LDB3: variants seen among roughly 807,000 people sequenced by gnomAD.
LDB3 encodes the protein LIM domain binding 3.
LDB3 carries 49 observed loss-of-function variants against 69.0 expected under a neutral mutation model. That is an observed-to-expected ratio of 0.71 (90% CI 0.56 to 0.90). The LOEUF (loss-of-function observed/expected upper bound fraction) is 0.90, where lower values mean the gene tolerates loss of function less well. LDB3 is among the 40% of genes least tolerant of loss of function. LDB3 has a pLI of 0.00. For synonymous variants in LDB3, 387 were observed against 396.2 expected (o/e 0.98, Z 0.28); for missense variants, 928 against 974.1 (o/e 0.95, Z 0.63).
chr10:86,717,920 G>T (rs758407870), intron 10 of LDB3, 44 bp from the exon 11 acceptor site: 1 of 1,595,068 alleles, frequency 6.3e-7, no homozygotes, highest in East Asian at 2.2e-5. Context: ...CTAATTCCAA[G>T]TTCTGGGAGC....
intron 5 of LDB3, among the ~76,000 whole-genome samples, chr10:86,682,532 C>A (rs976414650): frequency 2.6e-5 from 4 of 152,154 alleles, no homozygotes; most frequent in African/African-American, 9.7e-5. Flanking sequence ...GGAACGGAGT[C>A]CCCACACTGG....
chr10:86,679,687 G>T, intron 3 of LDB3, among the ~76,000 whole-genome samples, 169 bp downstream of exon 3: 1 of 152,220 alleles, frequency 6.6e-6, no homozygotes, highest in Non-Finnish European at 1.5e-5. Flanking sequence ...GGCCCAAGTC[G>T]CTGTCAAGCA....
At chr10:86,693,271 G>A (rs1265026742) in intron 7 of LDB3, among the ~76,000 whole-genome samples, 1 of 152,148 alleles carries the variant, frequency 6.6e-6, no homozygotes, top group Non-Finnish European at 1.5e-5. Flanking sequence ...ACTGGAACCC[G>A]CTGGGGCCTT....
At chr10:86,706,394 A>T in intron 7 of LDB3, 137 bp from the exon 8 acceptor site, 2 of 924,872 alleles carry the variant, frequency 2.2e-6, no homozygotes, top group Non-Finnish European at 3.5e-6. Flanking sequence ...CCCTCTGAGG[A>T]TCCTACTCTG....
chr10:86,727,197 T>C (rs951145786), intron 13 of LDB3, among the ~76,000 whole-genome samples: 1 of 151,798 alleles, frequency 6.6e-6, no homozygotes, highest in Non-Finnish European at 1.5e-5. Flanking sequence ...ATTTTGTGTA[T>C]TTTTAGTAGA....
Position 86,699,498 on chromosome 10 carries a change from T to C in LDB3, c.896+6927T>C. ...TGTATAACTCTGCTGGGGGCACCTC[T>C]GATGGCCAACCGCAGCATTTCTGTC... On this transcript the variant is annotated intron_variant, in intron 7 of 13. Coordinates refer to ENST00000361373, the MANE Select transcript of LDB3 (RefSeq NM_007078.3). This position sits in a 1 kb window ranked among gnomAD's most constrained non-coding sequence, Gnocchi z 4.9. The C allele has an allele frequency of 6.5e-7, 1 of 1,547,062 alleles. No homozygotes were observed. Among genetic ancestry groups the C allele is most frequent in the Non-Finnish European group, 8.7e-7 (1 of 1,149,688 alleles).
At chr10:86,718,299 T>C (rs1007890956) in intron 11 of LDB3, among the ~76,000 whole-genome samples, 155 bp downstream of exon 11, 3 of 152,154 alleles carry the variant, frequency 2.0e-5, no homozygotes, top group Non-Finnish European at 4.4e-5. Context: ...ACCAATAAAC[T>C]TGGGGATAAA....
At chr10:86,673,827 G>C (rs970827360) in intron 2 of LDB3, among the ~76,000 whole-genome samples, 1 of 152,170 alleles carries the variant, frequency 6.6e-6, no homozygotes, top group Non-Finnish European at 1.5e-5. Flanking sequence ...AGGAAGGCAG[G>C]GGCCTGCCTG....
intron 12 of LDB3, among the ~76,000 whole-genome samples, chr10:86,722,857 G>A (rs1314013898): frequency 1.3e-5 from 2 of 152,030 alleles, no homozygotes; most frequent in East Asian, 1.9e-4. Flanking sequence ...GTGAGCCACC[G>A]CACCTGGCCA....
intron 13 of LDB3, 22 bp from the exon 14 acceptor site, chr10:86,732,865 G>A (rs745630596): frequency 1.0e-5 from 16 of 1,603,648 alleles, no homozygotes; most frequent in East Asian, 2.2e-5. Context: ...TGGGTCTCAC[G>A]CAGGTCTGTT....
intron 13 of LDB3, among the ~76,000 whole-genome samples, chr10:86,729,345 T>C (rs1317679927): frequency 6.6e-6 from 1 of 152,186 alleles, no homozygotes; most frequent in East Asian, 1.9e-4. Flanking sequence ...CTGTCTGGCG[T>C]CGACACTTGA....
At chr10:86,732,495 G>T (rs975500288) in intron 13 of LDB3, 16 of 446,018 alleles carry the variant, frequency 3.6e-5, no homozygotes, top group African/African-American at 3.3e-4. Context: ...ATGGGGCAAG[G>T]CTGTTTGTTT....
At position 86,706,514 on chromosome 10, in the gene LDB3, T is replaced by C. The variant is rs917067160; in HGVS notation, c.897-17T>C. On this transcript the variant is annotated splice_polypyrimidine_tract_variant and intron_variant, in intron 7 of 13. Transcript: ENST00000361373. ...AGGCTCCCTTGACCTGTTGTCTTTT[T>C]GGTCCCGCCTCATCAGCACCCCTAT... The C allele has an allele frequency of 1.2e-6, 2 of 1,611,072 alleles. No individual in the cohort carries two copies. Among genetic ancestry groups the C allele is most frequent in the African/African-American group, 2.7e-5 (2 of 74,920 alleles).
rs772177566 is a variant in LDB3, at chr10:86,706,700, A to C, written c.1066A>C (p.Ser356Arg). ...CGCCTCCACCACAGCCCCTGCTTCAAGTCCTGCCGACAGCCCAAGGTAACT... is the reference window on the plus strand; with the variant it reads ...CGCCTCCACCACAGCCCCTGCTTCACGTCCTGCCGACAGCCCAAGGTAACT... ...ASASTTAPAS[S>R]PADSPRPQAS... Residue 356 changes from serine (S) to arginine (R), a missense_variant, in exon 8 of 14, where the codon AGT becomes CGT. Transcript: ENST00000361373. The C allele has an allele frequency of 6.2e-7, 1 of 1,612,430 alleles. No individual in the cohort carries two copies. The highest frequency in any genetic ancestry group is 1.1e-5 in the South Asian group (1 of 91,004).
intron 5 of LDB3, among the ~76,000 whole-genome samples, chr10:86,682,063 C>A (rs537640630): frequency 2.6e-5 from 4 of 152,188 alleles, no homozygotes; most frequent in African/African-American, 9.7e-5. Context: ...AGTCACAGTC[C>A]GTTTGTCCAG....
At chr10:86,688,618 T>C (rs147036184) in intron 5 of LDB3, among the ~76,000 whole-genome samples, 69 of 152,318 alleles carry the variant, frequency 4.5e-4, no homozygotes, top group Non-Finnish European at 8.5e-4. Context: ...AATATGACCA[T>C]GCAAGTTTAC....
At chr10:86,671,700 T>C (rs1019268933) in intron 2 of LDB3, among the ~76,000 whole-genome samples, 1 of 152,218 alleles carries the variant, frequency 6.6e-6, no homozygotes, top group Non-Finnish European at 1.5e-5. Flanking sequence ...CACCTCTTCA[T>C]GCCTCTCATG....
upstream of LDB3, chr10:86,666,946 TGGACA>T (rs1359383872): frequency 2.0e-5 from 9 of 443,472 alleles, no homozygotes; most frequent in Non-Finnish European, 4.2e-5. Context: ...CCTGGCAGGA[TGGACA>T]AACACCCCTA....
chr10:86,722,536 A>C (rs1847114502), intron 12 of LDB3, among the ~76,000 whole-genome samples: 1 of 139,138 alleles, frequency 7.2e-6, no homozygotes, highest in African/African-American at 2.7e-5. Context: ...CTGGGATTAC[A>C]GGCGTGAGCC....
Sources: gnomAD v4.1 joint callset for allele counts (sites outside exome capture counted in the v4.1 genomes callset) on GRCh38, gnomAD v4.1.1 for gene constraint, Gnocchi (gnomAD v3.1) non-coding constraint, MANE v1.5 for transcripts, NCBI Gene and HGNC (gene_info 2026-07-23, HGNC 2026-07-21) for gene names.